The following FZR1 variants were observed in gnomAD, a reference collection of about 807,000 sequenced individuals.
FZR1 encodes the protein fizzy and cell division cycle 20 related 1.
A neutral mutation model predicts 63.6 loss-of-function variants in FZR1; 11 were observed. The ratio of observed to expected loss-of-function variants is 0.17; its 90% CI spans 0.11 to 0.29. The LOEUF (loss-of-function observed/expected upper bound fraction) is 0.29. Among genes scored for constraint, FZR1 ranks in the 10% least tolerant of loss-of-function variants. FZR1 has a pLI of 1.00. For missense variants in FZR1, 440 were observed against 687.5 expected (o/e 0.64, Z 4.03); for synonymous variants, 328 against 297.9 (o/e 1.10, Z -1.04).
At chr19:3,530,731 C>T in intron 7 of FZR1, 61 bp from the exon 8 acceptor site, 3 of 1,252,368 alleles carry the variant, frequency 2.4e-6, no homozygotes, top group East Asian at 2.4e-5. Flanking sequence ...GATGAATGTA[C>T]CCATGGATAG....
chr19:3,529,154 ATGGGAGAGCGGTTGGGAGAGCGGT>A (rs1217263471), intron 7 of FZR1, among the ~76,000 whole-genome samples: 2 of 38,876 alleles, frequency 5.1e-5, no homozygotes, highest in African/African-American at 2.2e-4. Flanking sequence ...GGGAGAGCGG[ATGGGAGAGCGGTTGGGAGAGCGGT>A]TGGGAGAGCG....
intron 2 of FZR1, among the ~76,000 whole-genome samples, chr19:3,524,188 C>T (rs1356998187): frequency 6.6e-6 from 1 of 152,194 alleles, no homozygotes; most frequent in Non-Finnish European, 1.5e-5. Flanking sequence ...TGCCGACCCT[C>T]GGTCTCCAGA....
rs1019243400 is a variant in FZR1, at chr19:3,525,808, T to C, written c.70-60T>C. 24 of 1,582,030 alleles carry C rather than the reference T, an allele frequency of 1.5e-5. No individual in the cohort carries two copies. Among genetic ancestry groups the C allele is most frequent in the African/African-American group, 5.4e-5 (4 of 74,026 alleles). On this transcript the variant is annotated intron_variant, in intron 2 of 13. Coordinates refer to ENST00000441788, the MANE Select transcript of FZR1 (RefSeq NM_016263.4). This position sits in a 1 kb window ranked among gnomAD's most constrained non-coding sequence, Gnocchi z 4.2. Reference sequence around the variant, plus strand: ...GGCCAGAGGCTGAGAGAGGCTGGCCTGGGGGCACTCTCGGGGGGCTCTCGG... The same window carrying C: ...GGCCAGAGGCTGAGAGAGGCTGGCCCGGGGGCACTCTCGGGGGGCTCTCGG...
chr19:3,507,486 C>T (rs536947819), intron 1 of FZR1, among the ~76,000 whole-genome samples: 1 of 152,128 alleles, frequency 6.6e-6, no homozygotes, highest in African/African-American at 2.4e-5. Flanking sequence ...GTTTTCTCCA[C>T]CCCAAACTCA....
At chr19:3,518,713 C>T (rs1010956383) in intron 1 of FZR1, among the ~76,000 whole-genome samples, 1 of 152,180 alleles carries the variant, frequency 6.6e-6, no homozygotes, top group African/African-American at 2.4e-5. Context: ...AAATGTACTT[C>T]CTTTAGCAGG....
At position 3,531,954 on chromosome 19, in the gene FZR1, C is replaced by T. The variant is rs763481649; in HGVS notation, c.867C>T (p.Arg289=). The T allele has an allele frequency of 2.3e-5, 37 of 1,587,732 alleles. No homozygotes were observed. Among genetic ancestry groups the T allele is most frequent in the South Asian group, 1.5e-4 (13 of 88,222 alleles). Residue 289 remains arginine, a synonymous_variant, in exon 10 of 14, where the codon CGC becomes CGT. Transcript: ENST00000441788. Reference sequence around the variant, plus strand: ...CTGAGCAGCTGTCGTCCGGGAGCCGCGACCGCATGATCCTGCAGAGGGACA... The same window carrying T: ...CTGAGCAGCTGTCGTCCGGGAGCCGTGACCGCATGATCCTGCAGAGGGACA... ...WNAEQLSSGS[R]DRMILQRDIR... is the part of the protein sequence containing the mutation.
At position 3,506,482 on chromosome 19, in the gene FZR1, G is replaced by A. The variant is rs991653622; in HGVS notation, c.-35+8G>A. The A allele has an allele frequency of 6.6e-6, 1 of 151,582 alleles. No individual in the cohort carries two copies. The highest frequency in any genetic ancestry group is 1.9e-4 in the East Asian group (1 of 5,132). The allele number at this position is 151,582 out of a possible 1,614,324, so 9.4% of individuals were successfully genotyped here. A position where few individuals can be genotyped will look rare whatever the true frequency, so the allele number is the denominator to read the frequency against. On this transcript the variant is annotated splice_region_variant and intron_variant, in intron 1 of 13. Transcript: ENST00000441788. Reference sequence around the variant, plus strand: ...GCCACGGGAGCGAGCCAGGTGAGGCGGCCGGGGTCGGGGACCCGCCCCCCG... The same window carrying A: ...GCCACGGGAGCGAGCCAGGTGAGGCAGCCGGGGTCGGGGACCCGCCCCCCG...
At chr19:3,511,432 G>A (rs2083023837) in intron 1 of FZR1, among the ~76,000 whole-genome samples, 1 of 152,242 alleles carries the variant, frequency 6.6e-6, no homozygotes, top group East Asian at 1.9e-4. Flanking sequence ...GCTGGGTACA[G>A]AGGCTCACGC....
intron 1 of FZR1, among the ~76,000 whole-genome samples, chr19:3,522,309 T>C (rs568827512): frequency 7.7e-4 from 118 of 152,334 alleles, no homozygotes; most frequent in African/African-American, 2.8e-3. Flanking sequence ...ACCGCCACTT[T>C]TCTTCACACC....
intron 6 of FZR1, 87 bp downstream of exon 6, chr19:3,527,149 G>A: frequency 9.6e-7 from 1 of 1,039,468 alleles, no homozygotes; most frequent in Non-Finnish European, 1.5e-6. Flanking sequence ...CCGCAGCCCT[G>A]TCCCTGCGGG....
intron 1 of FZR1, among the ~76,000 whole-genome samples, chr19:3,513,431 G>A (rs370319781): frequency 6.6e-6 from 1 of 152,330 alleles, no homozygotes; most frequent in South Asian, 2.1e-4. Flanking sequence ...CCAGGGAGTG[G>A]GCACAGAGCC....
At chr19:3,534,591 G>A in intron 13 of FZR1, 78 bp downstream of exon 13, 1 of 1,031,982 alleles carries the variant, frequency 9.7e-7, no homozygotes, top group Non-Finnish European at 1.5e-6. Flanking sequence ...ACTGTCCTCG[G>A]GCGTACCCTC....
chr19:3,518,011 CTTTTT>C (rs1220242480), intron 1 of FZR1, among the ~76,000 whole-genome samples: 1 of 109,522 alleles, frequency 9.1e-6, no homozygotes, highest in African/African-American at 3.8e-5. Flanking sequence ...CTGTTTCTTT[CTTTTT>C]TTTTTTTTTT....
Position 3,516,270 on chromosome 19 carries a change from G to A in FZR1, c.-34-6686G>A, listed in dbSNP as rs753124034. Among the ~76,000 whole-genome samples, 9 of 152,174 alleles carry A rather than the reference G, an allele frequency of 5.9e-5. No homozygotes were observed. The highest frequency in any genetic ancestry group is 9.7e-5 in the African/African-American group (4 of 41,436). ...TGACGGGCGGGAGGGTGGTGTCCTCGGTTGGATTGGCAGCTCCTGACTGCG... is the reference window on the plus strand; with the variant it reads ...TGACGGGCGGGAGGGTGGTGTCCTCAGTTGGATTGGCAGCTCCTGACTGCG... On this transcript the variant is annotated intron_variant, in intron 1 of 13. Coordinates refer to ENST00000441788, the MANE Select transcript of FZR1 (RefSeq NM_016263.4). This position sits in a 1 kb window ranked among gnomAD's most constrained non-coding sequence, Gnocchi z 6.0.
chr19:3,529,035 T>C (rs1388374235), intron 7 of FZR1, among the ~76,000 whole-genome samples: 2 of 139,318 alleles, frequency 1.4e-5, no homozygotes, highest in Non-Finnish European at 3.1e-5. Context: ...AGGAAGTGGA[T>C]GGGTGAGAGG....
chr19:3,514,197 C>T lies in FZR1; in HGVS notation c.-35+7723C>T, dbSNP rs190222303. Among the ~76,000 whole-genome samples the T allele has an allele frequency of 2.3e-4, 35 of 152,310 alleles. No homozygotes were observed. Among genetic ancestry groups the T allele is most frequent in the Non-Finnish European group, 4.0e-4 (27 of 68,022 alleles). ...CTCAAAGTCGAGCCTGGAGACAAAT[C>T]GTGCCGTGCCATTGGCCCCCACAAA... On this transcript the variant is annotated intron_variant, in intron 1 of 13. Coordinates refer to ENST00000441788, the MANE Select transcript of FZR1 (RefSeq NM_016263.4). The surrounding 1 kb of genome is among the most constrained non-coding windows in gnomAD (Gnocchi z 4.2).
intron 2 of FZR1, among the ~76,000 whole-genome samples, chr19:3,524,443 A>C (rs886193198): frequency 6.6e-6 from 1 of 152,146 alleles, no homozygotes; most frequent in African/African-American, 2.4e-5. Flanking sequence ...ATGACACAGA[A>C]CCACCTTCAG....
chr19:3,523,469 T>A lies in FZR1; in HGVS notation c.69+411T>A, dbSNP rs145427866. On this transcript the variant is annotated intron_variant, in intron 2 of 13. Coordinates refer to ENST00000441788, the MANE Select transcript of FZR1 (RefSeq NM_016263.4). ...CCTCCCCAGCCCAGCCGTGTTTGCCTTGCCCTGGGCTCCAGGCAGGCCACT... is the reference window on the plus strand; with the variant it reads ...CCTCCCCAGCCCAGCCGTGTTTGCCATGCCCTGGGCTCCAGGCAGGCCACT... Among the ~76,000 whole-genome samples the A allele has an allele frequency of 4.2e-3, 646 of 152,326 alleles. 6 individuals are homozygous for A. Among genetic ancestry groups the A allele is most frequent in the African/African-American group, 0.015 (617 of 41,574 alleles).
chr19:3,507,221 A>G (rs2122097110), intron 1 of FZR1, among the ~76,000 whole-genome samples: 1 of 139,172 alleles, frequency 7.2e-6, no homozygotes, highest in South Asian at 2.3e-4. Flanking sequence ...CAGACGAGCT[A>G]TCCGTGCACA....
Sources: allele counts gnomAD v4.1 joint callset (sites outside exome capture counted in the v4.1 genomes callset), GRCh38; gene constraint gnomAD v4.1.1; non-coding constraint Gnocchi (gnomAD v3.1); transcripts MANE v1.5; gene names NCBI Gene and HGNC (gene_info 2026-07-23, HGNC 2026-07-21).